Variants in ADSS2 observed in about 807,000 individuals in gnomAD.
ADSS2 encodes the protein adenylosuccinate synthetase isozyme 2.
ADSS2 carries 30 observed loss-of-function variants against 60.0 expected under a neutral mutation model. The observed-to-expected ratio is 0.50, with a 90% CI of 0.37 to 0.68. ADSS2 has a LOEUF of 0.68. ADSS2 is among the 30% of genes least tolerant of loss of function. The probability of loss-of-function intolerance (pLI) is 0.00; values close to 1 mark genes in which losing one functional copy is unlikely to be tolerated. For missense variants in ADSS2, 373 were observed against 554.8 expected (o/e 0.67, Z 3.29); for synonymous variants, 187 against 193.1 (o/e 0.97, Z 0.26).
chr1:244,415,230 A>G (rs562641437), intron 11 of ADSS2, among the ~76,000 whole-genome samples: 16 of 152,340 alleles, frequency 1.1e-4, no homozygotes, highest in Middle Eastern at 3.4e-3. Context: ...AACTCTTGAA[A>G]TAGCTTTGTA....
intron 1 of ADSS2, among the ~76,000 whole-genome samples, chr1:244,441,122 G>A (rs907372363): frequency 2.7e-5 from 4 of 149,914 alleles, no homozygotes; most frequent in Non-Finnish European, 3.0e-5. Flanking sequence ...GCAATGGCGC[G>A]ATCTCGGCCC....
rs1427706180 is a variant in ADSS2, at chr1:244,411,364, T to G, written c.1241A>C (p.Asn414Thr). ...TLPGWNTDIS[N>T]ARAFKELPVN... ...AGGTAGTTCTTTAAACGCCCTTGCA[T>G]TTGATATGTCTGTGTTCCATCCTGG... The change falls in exon 12 of 13, where the codon AAT (asparagine) becomes ACT (threonine). Residue 414 changes from asparagine (N) to threonine (T), a missense_variant. Physicochemically the swap from Asn to Thr is moderately conservative, Grantham distance 65. Coordinates refer to ENST00000366535, the MANE Select transcript of ADSS2 (RefSeq NM_001126.5). 2 of 1,614,014 alleles carry G rather than the reference T, an allele frequency of 1.2e-6. No homozygotes were observed. The highest frequency in any genetic ancestry group is 2.7e-5 in the African/African-American group (2 of 75,054).
rs190732863 is a variant in ADSS2 at position 244,441,888 on chromosome 1, G to A, written c.184-4120C>T. Among the ~76,000 whole-genome samples the A allele has an allele frequency of 4.4e-3, 667 of 152,132 alleles. 8 individuals carry two copies. Among genetic ancestry groups the A allele is most frequent in the Admixed American group, 0.02 (308 of 15,276 alleles). ...GGAGAATGGCGTGAACCCAGGAGGC[G>A]GAGCTTGCAGTGAGCCGAGATCACG... On this transcript the variant is annotated intron_variant, in intron 1 of 12. Coordinates refer to ENST00000366535, the MANE Select transcript of ADSS2 (RefSeq NM_001126.5).
intron 7 of ADSS2, 61 bp downstream of exon 7, chr1:244,422,774 C>T (rs562222566): frequency 1.7e-4 from 222 of 1,291,366 alleles, no homozygotes; most frequent in Admixed American, 1.2e-3. Flanking sequence ...ATGAAAAGAT[C>T]TAGATGCCAA....
At chr1:244,434,353 C>CAA (rs533431244) in intron 3 of ADSS2, among the ~76,000 whole-genome samples, 1 of 133,268 alleles carries the variant, frequency 7.5e-6, no homozygotes, top group African/African-American at 2.8e-5. Flanking sequence ...ACCATGTCTC[C>CAA]AAAAAAAAAA....
intron 4 of ADSS2, among the ~76,000 whole-genome samples, chr1:244,425,977 TAA>T (rs1664793859): frequency 6.6e-6 from 1 of 152,204 alleles, no homozygotes; most frequent in African/African-American, 2.4e-5. Context: ...AATGGATTTT[TAA>T]AAGTGTGAAA....
intron 11 of ADSS2, among the ~76,000 whole-genome samples, chr1:244,413,366 C>A (rs1664456772): frequency 6.6e-6 from 1 of 152,178 alleles, no homozygotes; most frequent in Non-Finnish European, 1.5e-5. Flanking sequence ...TCATAAAATA[C>A]ACAGTTCCCA....
chr1:244,409,778 G>T lies in ADSS2; in HGVS notation c.1319-140C>A, dbSNP rs1236514949. 12 of 656,466 alleles carry T rather than the reference G, an allele frequency of 1.8e-5. No individual in the cohort carries two copies. The South Asian group carries it at 1.9e-4, about 10-fold the overall frequency. The allele number at this position is 656,466 out of a possible 1,614,324, so 40.7% of individuals were successfully genotyped here. Reference sequence around the variant, plus strand: ...GTGCCTTTTTGCTGTTCTCTATTCTGTTAGCAGACTGTGCCGATTTCTAAA... The same window carrying T: ...GTGCCTTTTTGCTGTTCTCTATTCTTTTAGCAGACTGTGCCGATTTCTAAA... On this transcript the variant is annotated intron_variant, in intron 12 of 12. Coordinates refer to ENST00000366535, the MANE Select transcript of ADSS2 (RefSeq NM_001126.5).
chr1:244,412,323 A>G (rs1258827395), intron 11 of ADSS2, among the ~76,000 whole-genome samples: 4 of 152,186 alleles, frequency 2.6e-5, no homozygotes, highest in African/African-American at 9.7e-5. Context: ...TAACCCGCCT[A>G]TGTGCAAATC....
intron 3 of ADSS2, among the ~76,000 whole-genome samples, chr1:244,434,399 T>G (rs1028095141): frequency 1.3e-5 from 2 of 151,022 alleles, no homozygotes; most frequent in African/African-American, 4.8e-5. Context: ...CCCAAATCGA[T>G]GTTTTTCTTT....
In ADSS2 at chr1:244,451,423, C is replaced by T. The variant is rs1665592681; in HGVS notation, c.183+212G>A. Among the ~76,000 whole-genome samples, 4 of 152,218 alleles carry T rather than the reference C, an allele frequency of 2.6e-5. No homozygotes were observed. In the South Asian group the frequency reaches 8.3e-4, roughly 31 times the overall value. ...CAGCCCACCTCTTCCTCCAGGGCCA[C>T]CCCAAGTTTCACCCGACGCTCCAGG... is the stretch of plus-strand genomic sequence containing the variant. On this transcript the variant is annotated intron_variant, in intron 1 of 12. Transcript: ENST00000366535. The surrounding 1 kb of genome is among the most constrained non-coding windows in gnomAD (Gnocchi z 6.6).
chr1:244,438,561 A>G (rs1409838585), intron 1 of ADSS2, among the ~76,000 whole-genome samples: 1 of 150,692 alleles, frequency 6.6e-6, no homozygotes. Flanking sequence ...AACATGGAAG[A>G]AAACACAAGT....
At position 244,420,284 on chromosome 1, in the gene ADSS2, T is replaced by G; in HGVS notation, c.676A>C (p.Lys226Gln). Residue 226 changes from lysine to glutamine, a missense_variant, in exon 8 of 13, where the codon AAG becomes CAG. Coordinates refer to ENST00000366535, the MANE Select transcript of ADSS2 (RefSeq NM_001126.5). Reference sequence around the variant, plus strand: ...CCATCTCTCACCATTGGTTTAATCTTTTCCATATAACCCTATACACAAAGA... The same window carrying G: ...CCATCTCTCACCATTGGTTTAATCTGTTCCATATAACCCTATACACAAAGA... ...ELQKLKGYMEKIKPMVRDGVY... is the reference protein window; with the variant it reads ...ELQKLKGYMEQIKPMVRDGVY... 1 of 1,612,648 alleles carries G rather than the reference T, an allele frequency of 6.2e-7. No individual in the cohort carries two copies. Among genetic ancestry groups the G allele is most frequent in the South Asian group, 1.1e-5 (1 of 90,982 alleles).
intron 1 of ADSS2, among the ~76,000 whole-genome samples, chr1:244,448,643 T>G (rs953829813): frequency 1.5e-4 from 23 of 152,254 alleles, no homozygotes; most frequent in African/African-American, 5.3e-4. Context: ...AAGAAGTTTC[T>G]GTAGCTTCTA....
intron 4 of ADSS2, among the ~76,000 whole-genome samples, chr1:244,432,269 G>A (rs945339372): frequency 6.6e-6 from 1 of 152,024 alleles, no homozygotes; most frequent in Admixed American, 6.6e-5. Context: ...ATTTTGATAT[G>A]GCTTATTTTT....
chr1:244,422,970 T>C (rs1361488740), intron 6 of ADSS2, 54 bp from the exon 7 acceptor site: 1 of 1,161,152 alleles, frequency 8.6e-7, no homozygotes, highest in Non-Finnish European at 1.2e-6. Flanking sequence ...ATATTTCAAA[T>C]AATATCATTT....
At chr1:244,409,859 A>C (rs1163131379) in intron 12 of ADSS2, among the ~76,000 whole-genome samples, 1 of 152,090 alleles carries the variant, frequency 6.6e-6, no homozygotes, top group African/African-American at 2.4e-5. Context: ...TTCCCTTTTT[A>C]ACTGTGCAAT....
chr1:244,421,063 TTACACTGC>T (rs1294114363), intron 7 of ADSS2, among the ~76,000 whole-genome samples: 1 of 151,660 alleles, frequency 6.6e-6, no homozygotes, highest in Non-Finnish European at 1.5e-5. Flanking sequence ...GGGCCACGAG[TTACACTGC>T]CAAGTATGCA....
chr1:244,443,234 T>C lies in ADSS2; in HGVS notation c.184-5466A>G, dbSNP rs549661336. Among the ~76,000 whole-genome samples the C allele has an allele frequency of 7.9e-5, 12 of 152,310 alleles. No individual in the cohort carries two copies. The South Asian group carries it at 1.7e-3, about 21-fold the overall frequency. On this transcript the variant is annotated intron_variant, in intron 1 of 12. Coordinates refer to ENST00000366535, the MANE Select transcript of ADSS2 (RefSeq NM_001126.5). The stretch of plus-strand genomic sequence containing the variant: ...AATCCAAATTTTCCACAAACCAAAC[T>C]TGGTAAGTTATCTCCCACAAATGTA...
Sources: allele counts gnomAD v4.1 joint callset (sites outside exome capture counted in the v4.1 genomes callset), GRCh38; gene constraint gnomAD v4.1.1; non-coding constraint Gnocchi (gnomAD v3.1); transcripts MANE v1.5; gene names NCBI Gene and HGNC (gene_info 2026-07-23, HGNC 2026-07-21).